Variants in FOXI2 observed in about 807,000 individuals in gnomAD.
FOXI2 encodes the protein forkhead box protein I2.
FOXI2 carries 17 observed loss-of-function variants against 14.3 expected under a neutral mutation model. That is an observed-to-expected ratio of 1.19 (90% CI 0.81 to 1.78). The LOEUF (loss-of-function observed/expected upper bound fraction) is 1.78. Among genes scored for constraint, FOXI2 ranks in the 40% most tolerant of loss-of-function variants. FOXI2 has a pLI of 0.00. For missense variants in FOXI2, 541 were observed against 460.0 expected, an observed-to-expected ratio of 1.18 and a Z score of -1.61; for synonymous variants, 240 against 218.8, an observed-to-expected ratio of 1.10 and a Z score of -0.85.
At position 127,739,901 on chromosome 10, in the gene FOXI2, A is replaced by T. The variant is rs1349308143; in HGVS notation, c.*936A>T. On this transcript the variant is annotated 3_prime_UTR_variant, in exon 2 of 2. Coordinates refer to ENST00000388920, the MANE Select transcript of FOXI2 (RefSeq NM_207426.3). ...CACACCCACACCCACACCCACACTC[A>T]CACACACTCACACCCACACCCACAC... 6.4e-5 allele frequency: 2 copies of T among 31,126 alleles called. 1 individual carries two copies. Among genetic ancestry groups the T allele is most frequent in the African/African-American group, 1.7e-4 (2 of 12,118 alleles). 1.9% of individuals were successfully genotyped at this position (31,126 alleles called of 1,614,324 possible).
chr10:127,737,788 A>G lies in FOXI2; in HGVS notation c.511+4A>G, dbSNP rs1036604081. The stretch of plus-strand genomic sequence containing the variant: ...CCCCGCGACGAGGACGACCCAGGTA[A>G]CAGCGGCGCGCCGGCTCGCTCCGTC... On this transcript the variant is annotated splice_donor_region_variant and intron_variant, in intron 1 of 1. Coordinates refer to ENST00000388920, the MANE Select transcript of FOXI2 (RefSeq NM_207426.3). 12 of 1,606,432 alleles carry G rather than the reference A, an allele frequency of 7.5e-6. No individual in the cohort carries two copies. The African/African-American group carries it at 1.2e-4, about 16-fold the overall frequency.
At position 127,737,468 on chromosome 10, in the gene FOXI2, C is replaced by T; in HGVS notation, c.195C>T (p.Ala65=). 5 of 1,377,908 alleles carry T rather than the reference C, an allele frequency of 3.6e-6. No homozygotes were observed. Among genetic ancestry groups the T allele is most frequent in the East Asian group, 3.0e-5 (1 of 33,274 alleles). 85.4% of individuals were successfully genotyped at this position (1,377,908 alleles called of 1,614,324 possible). A position where few individuals can be genotyped will look rare whatever the true frequency, so the allele number is the denominator to read the frequency against. ...CCGGGCCTGCGCCGCCCTACGCGGCCCCGAGCTACGGGGCTCCCGGCCCGC... is the reference window on the plus strand; with the variant it reads ...CCGGGCCTGCGCCGCCCTACGCGGCTCCGAGCTACGGGGCTCCCGGCCCGC... The part of the protein sequence containing the change: ...SGPGPAPPYA[A]PSYGAPGPLL... The change falls in exon 1 of 2, where the codon GCC becomes GCT. Residue 65 remains alanine, a synonymous_variant. Coordinates refer to ENST00000388920, the MANE Select transcript of FOXI2 (RefSeq NM_207426.3).
Position 127,738,532 on chromosome 10 carries a change from A to ACTGGACC in FOXI2, c.533_539dup (p.Asn181GlyfsTer9). The ACTGGACC allele has an allele frequency of 1.2e-6, 2 of 1,611,836 alleles. No individual in the cohort carries two copies. The highest frequency in any genetic ancestry group is 1.7e-6 in the Non-Finnish European group (2 of 1,178,900). On this transcript the variant is annotated frameshift_variant, in exon 2 of 2. Coordinates refer to ENST00000388920, the MANE Select transcript of FOXI2 (RefSeq NM_207426.3). LOFTEE classifies it low-confidence loss of function (END_TRUNC). ...TCTTCTTCTGCAGGTAAAGGCAATT[A>ACTGGACC]CTGGACCCTGGACCCCAACTGCGAG...
Position 127,740,069 on chromosome 10 carries a change from T to TAC in FOXI2, c.*1105_*1106dup, listed in dbSNP as rs1402163588. On this transcript the variant is annotated 3_prime_UTR_variant, in exon 2 of 2. Coordinates refer to ENST00000388920, the MANE Select transcript of FOXI2 (RefSeq NM_207426.3). ...ACACCCACACTCACACCCACACTCA[T>TAC]ACTCACACTCACACCCACACTCACA... is the stretch of plus-strand genomic sequence containing the variant. The TAC allele has an allele frequency of 8.1e-5, 5 of 62,078 alleles. No individual in the cohort carries two copies. The highest frequency in any genetic ancestry group is 3.2e-4 in the African/African-American group (4 of 12,538). The allele number at this position is 62,078 out of a possible 1,614,324, so 3.8% of individuals were successfully genotyped here.
chr10:127,739,153 C>A lies in FOXI2; in HGVS notation c.*188C>A. 2 of 586,002 alleles carry A rather than the reference C, an allele frequency of 3.4e-6. No individual in the cohort carries two copies. The highest frequency in any genetic ancestry group is 3.1e-5 in the East Asian group (1 of 32,376). 36.3% of individuals were successfully genotyped at this position (586,002 alleles called of 1,614,324 possible). On this transcript the variant is annotated 3_prime_UTR_variant, in exon 2 of 2. Transcript: ENST00000388920. ...CTCTTGGGCTTTGGGGTGGGTGGCC[C>A]TTCTGCTGTGCACCCCTCACCCAGG... is the stretch of plus-strand genomic sequence containing the variant.
chr10:127,740,179 C>T lies in FOXI2; in HGVS notation c.*1214C>T, dbSNP rs1157957970. The T allele has an allele frequency of 1.4e-4, 18 of 132,818 alleles. 1 individual carries two copies. The highest frequency in any genetic ancestry group is 4.9e-4 in the African/African-American group (17 of 34,908). The allele number at this position is 132,818 out of a possible 1,614,324, so 8.2% of individuals were successfully genotyped here. A position where few individuals can be genotyped will look rare whatever the true frequency, so the allele number is the denominator to read the frequency against. On this transcript the variant is annotated 3_prime_UTR_variant, in exon 2 of 2. Transcript: ENST00000388920. Reference sequence around the variant, plus strand: ...CACACCCACACTCATACTCACACACCCACACCCACACCCACACCCACACCC... The same window carrying T: ...CACACCCACACTCATACTCACACACTCACACCCACACCCACACCCACACCC...
At position 127,738,663 on chromosome 10, in the gene FOXI2, G is replaced by T. The variant is rs765223185; in HGVS notation, c.655G>T (p.Ala219Ser). ...GAGCGTGGGAGGGGCCGAGGCGCCA[G>T]CGCTGGAGCCCCCGAGCGCGGCTTG... ...ARSVGGAEAP[A>S]LEPPSAACLD... Residue 219 changes from alanine (A) to serine (S), a missense_variant, in exon 2 of 2, where the codon GCG (alanine) becomes TCG (serine). Ala to Ser is a moderately conservative substitution (Grantham distance 99, BLOSUM62 1). Transcript: ENST00000388920. The T allele has an allele frequency of 8.8e-6, 14 of 1,596,680 alleles. No homozygotes were observed. The highest frequency in any genetic ancestry group is 1.2e-5 in the Non-Finnish European group (14 of 1,171,508).
At chr10:127,738,034 G>A (rs1005209758) in intron 1 of FOXI2, among the ~76,000 whole-genome samples, 11 of 152,324 alleles carry the variant, frequency 7.2e-5, no homozygotes, top group Admixed American at 3.9e-4. Context: ...CGCTCCTTCG[G>A]AGGAAGAAGC....
Position 127,737,245 on chromosome 10 carries a change from CG to C in FOXI2, c.-28del. 1 of 1,469,100 alleles carries C rather than the reference CG, an allele frequency of 6.8e-7. No individual in the cohort carries two copies. The highest frequency in any genetic ancestry group is 8.9e-7 in the Non-Finnish European group (1 of 1,120,848). 91.0% of individuals were successfully genotyped at this position (1,469,100 alleles called of 1,614,324 possible). A position where few individuals can be genotyped will look rare whatever the true frequency, so the allele number is the denominator to read the frequency against. On this transcript the variant is annotated 5_prime_UTR_variant, in exon 1 of 2. Coordinates refer to ENST00000388920, the MANE Select transcript of FOXI2 (RefSeq NM_207426.3). ...TCGCCAGTGAGTTTCGGTGCGGCAC[CG>C]CTGGCCCAGGCCCGGGCGCGGCTGG...
Position 127,739,302 on chromosome 10 carries a change from G to A in FOXI2, c.*337G>A. The A allele has an allele frequency of 7.5e-6, 2 of 266,146 alleles. No individual in the cohort carries two copies. The highest frequency in any genetic ancestry group is 8.6e-5 in the East Asian group (1 of 11,588). 16.5% of individuals were successfully genotyped at this position (266,146 alleles called of 1,614,324 possible). ...GGCCCTCAGCTCCAGCGTTTTCCAA[G>A]GAGGCTGGCTGACTCCAAAGAGCCT... is the stretch of plus-strand genomic sequence containing the variant. On this transcript the variant is annotated 3_prime_UTR_variant, in exon 2 of 2. Coordinates refer to ENST00000388920, the MANE Select transcript of FOXI2 (RefSeq NM_207426.3).
Position 127,740,241 on chromosome 10 carries a change from C to G in FOXI2, c.*1276C>G, listed in dbSNP as rs1193872552. The G allele has an allele frequency of 2.0e-5, 3 of 152,276 alleles. No individual in the cohort carries two copies. The highest frequency in any genetic ancestry group is 7.2e-5 in the African/African-American group (3 of 41,410). 9.4% of individuals were successfully genotyped at this position (152,276 alleles called of 1,614,324 possible). A position where few individuals can be genotyped will look rare whatever the true frequency, so the allele number is the denominator to read the frequency against. On this transcript the variant is annotated 3_prime_UTR_variant, in exon 2 of 2. Transcript: ENST00000388920. ...CACACTCACACAGGCTCATGGAAGG[C>G]CACACTTGTTTTGGTCTCTTTCCCC...
At position 127,737,225 on chromosome 10, in the gene FOXI2, A is replaced by T; in HGVS notation, c.-49A>T. The T allele has an allele frequency of 6.8e-7, 1 of 1,460,370 alleles. No individual in the cohort carries two copies. Among genetic ancestry groups the T allele is most frequent in the African/African-American group, 1.5e-5 (1 of 67,140 alleles). The allele number at this position is 1,460,370 out of a possible 1,614,324, so 90.5% of individuals were successfully genotyped here. A position where few individuals can be genotyped will look rare whatever the true frequency, so the allele number is the denominator to read the frequency against. ...TGGCGGCCAAGCTGGATGGGTCGCC[A>T]GTGAGTTTCGGTGCGGCACCGCTGG... On this transcript the variant is annotated 5_prime_UTR_variant, in exon 1 of 2. Coordinates refer to ENST00000388920, the MANE Select transcript of FOXI2 (RefSeq NM_207426.3).
chr10:127,740,448 C>G lies in FOXI2; in HGVS notation c.*1483C>G, dbSNP rs929889482. 1 of 152,046 alleles carries G rather than the reference C, an allele frequency of 6.6e-6. No homozygotes were observed. Among genetic ancestry groups the G allele is most frequent in the Non-Finnish European group, 1.5e-5 (1 of 68,032 alleles). 9.4% of individuals were successfully genotyped at this position (152,046 alleles called of 1,614,324 possible). ...TTGGCCTCTGTACTCCTTAGAGGAC[C>G]TAAGTGCCCCAGTCAGATGCCCTGA... On this transcript the variant is annotated 3_prime_UTR_variant, in exon 2 of 2. Transcript: ENST00000388920.
At position 127,739,950 on chromosome 10, in the gene FOXI2, C is replaced by T. The variant is rs915708139; in HGVS notation, c.*985C>T. On this transcript the variant is annotated 3_prime_UTR_variant, in exon 2 of 2. Transcript: ENST00000388920. ...ACTCACACCCACACACACTCACACC[C>T]ACACACACCCACACTCATACTCACA... is the stretch of plus-strand genomic sequence containing the variant. 2 of 47,204 alleles carry T rather than the reference C, an allele frequency of 4.2e-5. No individual in the cohort carries two copies. The highest frequency in any genetic ancestry group is 1.0e-4 in the Non-Finnish European group (2 of 19,408). 2.9% of individuals were successfully genotyped at this position (47,204 alleles called of 1,614,324 possible). A position where few individuals can be genotyped will look rare whatever the true frequency, so the allele number is the denominator to read the frequency against.
Position 127,740,048 on chromosome 10 carries a change from CCACACTCACACCCACACTCATACT to C in FOXI2, c.*1104_*1127del, listed in dbSNP as rs1846496065. The C allele has an allele frequency of 7.5e-5, 2 of 26,836 alleles. No individual in the cohort carries two copies. Among genetic ancestry groups the C allele is most frequent in the East Asian group, 7.9e-4 (1 of 1,262 alleles). 1.7% of individuals were successfully genotyped at this position (26,836 alleles called of 1,614,324 possible). On this transcript the variant is annotated 3_prime_UTR_variant, in exon 2 of 2. Coordinates refer to ENST00000388920, the MANE Select transcript of FOXI2 (RefSeq NM_207426.3). Reference sequence around the variant, plus strand: ...CTCACACCCACACTCACACTGACACCCACACTCACACCCACACTCATACTCACACTCACACCCACACTCACACTC... The same window carrying C: ...CTCACACCCACACTCACACTGACACCCACACTCACACCCACACTCACACTC...
Position 127,737,324 on chromosome 10 carries a change from G to C in FOXI2, c.51G>C (p.Gln17His). ...DLGPSSAPPG[Q>H]AQATAHPPGY... Reference sequence around the variant, plus strand: ...GCCCCTCCTCGGCCCCGCCCGGCCAGGCCCAGGCCACCGCGCACCCCCCGG... The same window carrying C: ...GCCCCTCCTCGGCCCCGCCCGGCCACGCCCAGGCCACCGCGCACCCCCCGG... Residue 17 changes from glutamine to histidine, a missense_variant, in exon 1 of 2, where the codon CAG (glutamine) becomes CAC (histidine). Coordinates refer to ENST00000388920, the MANE Select transcript of FOXI2 (RefSeq NM_207426.3). The C allele has an allele frequency of 6.9e-7, 1 of 1,448,202 alleles. No homozygotes were observed. Among genetic ancestry groups the C allele is most frequent in the Non-Finnish European group, 9.0e-7 (1 of 1,114,272 alleles). 89.7% of individuals were successfully genotyped at this position (1,448,202 alleles called of 1,614,324 possible).
chr10:127,740,281 T>C lies in FOXI2; in HGVS notation c.*1316T>C, dbSNP rs1471041718. On this transcript the variant is annotated 3_prime_UTR_variant, in exon 2 of 2. Transcript: ENST00000388920. ...TCTCTTTCCCCTCCAAACCCACAGT[T>C]TGAGCCAAAGCTGTGCGTGTGTTCA... 6.6e-6 allele frequency: 1 copy of C among 152,230 alleles called. No individual in the cohort carries two copies. Among genetic ancestry groups the C allele is most frequent in the Non-Finnish European group, 1.5e-5 (1 of 68,084 alleles). 9.4% of individuals were successfully genotyped at this position (152,230 alleles called of 1,614,324 possible). A position where few individuals can be genotyped will look rare whatever the true frequency, so the allele number is the denominator to read the frequency against.
At position 127,739,875 on chromosome 10, in the gene FOXI2, TCACA is replaced by T. The variant is rs1846481392; in HGVS notation, c.*912_*915del. The T allele has an allele frequency of 1.4e-5, 1 of 70,160 alleles. No individual in the cohort carries two copies. 4.3% of individuals were successfully genotyped at this position (70,160 alleles called of 1,614,324 possible). A position where few individuals can be genotyped will look rare whatever the true frequency, so the allele number is the denominator to read the frequency against. ...CTCACACCCACACTCACACCCACAC[TCACA>T]CCCACACCCACACCCACACTCACAC... is the stretch of plus-strand genomic sequence containing the variant. On this transcript the variant is annotated 3_prime_UTR_variant, in exon 2 of 2. Coordinates refer to ENST00000388920, the MANE Select transcript of FOXI2 (RefSeq NM_207426.3).
Position 127,739,265 on chromosome 10 carries a change from G to T in FOXI2, c.*300G>T. ...TGCTCTCGAGGGATTTGCCTTGAAG[G>T]GGCGGCGGGTCGGCCCTCAGCTCCA... On this transcript the variant is annotated 3_prime_UTR_variant, in exon 2 of 2. Transcript: ENST00000388920. 2.8e-6 allele frequency: 1 copy of T among 359,246 alleles called. No homozygotes were observed. The allele number at this position is 359,246 out of a possible 1,614,324, so 22.3% of individuals were successfully genotyped here.
Sources: gnomAD v4.1 joint callset for allele counts (sites outside exome capture counted in the v4.1 genomes callset) on GRCh38, gnomAD v4.1.1 for gene constraint, MANE v1.5 for transcripts, NCBI Gene and HGNC (gene_info 2026-07-23, HGNC 2026-07-21) for gene names.